LDHAL6A: variants seen among roughly 807,000 people sequenced by gnomAD.
LDHAL6A encodes lactate dehydrogenase A like 6A.
A neutral mutation model predicts 28.2 loss-of-function variants in LDHAL6A; 19 were observed. That is an observed-to-expected ratio of 0.67 (90% CI 0.47 to 0.99). The LOEUF is 0.99. Among genes scored for constraint, LDHAL6A ranks in the 50% least tolerant of loss-of-function variants. LDHAL6A has a pLI of 0.00. For synonymous variants in LDHAL6A, 144 were observed against 134.4 expected (o/e 1.07, Z -0.49); for missense variants, 372 against 398.6 (o/e 0.93, Z 0.57).
intron 1 of LDHAL6A, among the ~76,000 whole-genome samples, chr11:18,457,235 T>C (rs1206750670): frequency 1.6e-4 from 24 of 152,220 alleles, no homozygotes; most frequent in Non-Finnish European, 3.5e-4. Context: ...TGTATATCTT[T>C]ATTTCCCTTC....
intron 1 of LDHAL6A, 95 bp downstream of exon 1, chr11:18,456,901 G>A: frequency 4.5e-6 from 6 of 1,332,160 alleles, no homozygotes; most frequent in South Asian, 1.6e-5. Context: ...AAGGTGGTGA[G>A]TGGGGAGCCA....
Position 18,475,545 on chromosome 11 carries a change from C to T in LDHAL6A, c.498C>T (p.Asp166=). 6.2e-7 allele frequency: 1 copy of T among 1,614,062 alleles called. No individual in the cohort carries two copies. Among genetic ancestry groups the T allele is most frequent in the Non-Finnish European group, 8.5e-7 (1 of 1,179,928 alleles). Residue 166 remains aspartate (D), a synonymous_variant, in exon 4 of 7, where the codon GAC becomes GAT. Coordinates refer to ENST00000280706, the MANE Select transcript of LDHAL6A (RefSeq NM_144972.5). ...NRVIGSGCNL[D]SARFRYFIGQ... is the part of the protein sequence containing the mutation. Reference sequence around the variant, plus strand: ...TTATTGGAAGTGGTTGTAATCTGGACTCTGCTCGTTTTCGTTACTTTATTG... The same window carrying T: ...TTATTGGAAGTGGTTGTAATCTGGATTCTGCTCGTTTTCGTTACTTTATTG...
chr11:18,458,240 T>C (rs1358977687), intron 1 of LDHAL6A, among the ~76,000 whole-genome samples: 5 of 151,998 alleles, frequency 3.3e-5, no homozygotes, highest in Admixed American at 6.6e-5. Context: ...AGATCTCAGG[T>C]GGAGGTGGTG....
At chr11:18,465,001 T>TTTTTTTTTTTTTTTTTTTTTTTTTG (rs1849025165) in intron 2 of LDHAL6A, among the ~76,000 whole-genome samples, 1 of 144,510 alleles carries the variant, frequency 6.9e-6, no homozygotes, top group African/African-American at 2.7e-5. Context: ...TGTTTTGTTT[T>TTTTTTTTTTTTTTTTTTTTTTTTTG]GGTTTGTTTT....
chr11:18,469,831 CA>C (rs1849214287), intron 3 of LDHAL6A, among the ~76,000 whole-genome samples: 1 of 152,072 alleles, frequency 6.6e-6, no homozygotes, highest in African/African-American at 2.4e-5. Context: ...TACTCTAATA[CA>C]AAACAAAAAC....
At position 18,465,271 on chromosome 11, in the gene LDHAL6A, C is replaced by T. The variant is rs755644984; in HGVS notation, c.245-366C>T. On this transcript the variant is annotated intron_variant, in intron 2 of 6. Coordinates refer to ENST00000280706, the MANE Select transcript of LDHAL6A (RefSeq NM_144972.5). ...CCTTGTAGCTGGGACTACAGGCATC[C>T]GCCACTGTGCCTGGCTAATTTTTGT... 4.6e-5 allele frequency among the ~76,000 whole-genome samples: 7 copies of T among 151,916 alleles called. No homozygotes were observed. In the South Asian group the frequency reaches 1.0e-3, roughly 23 times the overall value.
intron 3 of LDHAL6A, among the ~76,000 whole-genome samples, chr11:18,473,690 T>C (rs905118175): frequency 6.6e-6 from 1 of 152,096 alleles, no homozygotes; most frequent in Non-Finnish European, 1.5e-5. Context: ...TGAGCCACCG[T>C]GTCTGGCCTT....
chr11:18,469,163 A>T, intron 3 of LDHAL6A: 1 of 620,810 alleles, frequency 1.6e-6, no homozygotes, highest in Non-Finnish European at 2.8e-6. Context: ...CAGAGTTGTG[A>T]AGGCACCTGG....
chr11:18,460,470 G>A (rs1848869696), intron 1 of LDHAL6A, among the ~76,000 whole-genome samples: 1 of 151,524 alleles, frequency 6.6e-6, no homozygotes, highest in Non-Finnish European at 1.5e-5. Flanking sequence ...GCATGCATCT[G>A]TAATCCCAGC....
At chr11:18,478,243 C>T (rs866194284) in intron 6 of LDHAL6A, among the ~76,000 whole-genome samples, 5 of 152,046 alleles carry the variant, frequency 3.3e-5, no homozygotes, top group South Asian at 4.2e-4. Context: ...CAAACAAAGT[C>T]ATAGGAATTT....
In LDHAL6A at chr11:18,462,658, A is replaced by AC. The variant is rs557207015; in HGVS notation, c.127-1303_127-1302insC. ...TCTCAAAAAACAAACAAACAAACAA[A>AC]AAAAAAAACAAAAAAAACCCAAAAA... On this transcript the variant is annotated intron_variant, in intron 1 of 6. Transcript: ENST00000280706. Among the ~76,000 whole-genome samples the AC allele has an allele frequency of 1.3e-3, 181 of 142,516 alleles. 5 individuals are homozygous for AC. The highest frequency in any genetic ancestry group is 4.0e-3 in the South Asian group (18 of 4,514). 93.5% of individuals were successfully genotyped at this position (142,516 alleles called of 152,430 possible). A position where few individuals can be genotyped will look rare whatever the true frequency, so the allele number is the denominator to read the frequency against.
At chr11:18,465,947 A>C in intron 3 of LDHAL6A, 137 bp downstream of exon 3, 1 of 628,116 alleles carries the variant, frequency 1.6e-6, no homozygotes, top group Non-Finnish European at 2.7e-6. Flanking sequence ...CAAAGTACCT[A>C]ATAGTTTTTC....
At chr11:18,464,163 C>A in intron 2 of LDHAL6A, 85 bp downstream of exon 2, 2 of 950,560 alleles carry the variant, frequency 2.1e-6, no homozygotes, top group South Asian at 1.4e-5. Context: ...TTTTGACCTC[C>A]CCAGTTTTTA....
At chr11:18,458,645 G>T (rs767061717) in intron 1 of LDHAL6A, among the ~76,000 whole-genome samples, 7 of 152,260 alleles carry the variant, frequency 4.6e-5, no homozygotes, top group Non-Finnish European at 7.4e-5. Flanking sequence ...TGCTGATAAG[G>T]AATTCTCAAT....
intron 3 of LDHAL6A, chr11:18,468,768 A>C (rs932307325): frequency 4.5e-5 from 7 of 154,454 alleles, no homozygotes; most frequent in African/African-American, 1.7e-4. Flanking sequence ...ACGGTATCCC[A>C]TAAGTTTGAG....
chr11:18,469,046 A>G (rs1367113731), intron 3 of LDHAL6A: 1 of 440,382 alleles, frequency 2.3e-6, no homozygotes, highest in African/African-American at 2.0e-5. Flanking sequence ...ACATTGTACA[A>G]TAGTATTTTA....
intron 1 of LDHAL6A, among the ~76,000 whole-genome samples, chr11:18,463,574 C>A (rs993711309): frequency 5.2e-4 from 79 of 152,282 alleles, no homozygotes; most frequent in African/African-American, 1.6e-3. Flanking sequence ...AAGTAAGCAC[C>A]AGATGGCTGG....
chr11:18,477,917 C>T (rs1391274749), intron 6 of LDHAL6A, among the ~76,000 whole-genome samples, 174 bp downstream of exon 6: 1 of 152,022 alleles, frequency 6.6e-6, no homozygotes, highest in Non-Finnish European at 1.5e-5. Context: ...TCTTTGTAGA[C>T]CTTTGTCCTG....
intron 2 of LDHAL6A, among the ~76,000 whole-genome samples, chr11:18,465,302 T>C (rs1394200795): frequency 6.6e-6 from 1 of 152,090 alleles, no homozygotes; most frequent in African/African-American, 2.4e-5. Context: ...TTTGTATTTT[T>C]AGTAGAGATG....
Sources: allele counts gnomAD v4.1 joint callset (sites outside exome capture counted in the v4.1 genomes callset), GRCh38; gene constraint gnomAD v4.1.1; transcripts MANE v1.5; gene names NCBI Gene and HGNC (gene_info 2026-07-23, HGNC 2026-07-21).